Variants in PLCL1 observed in about 807,000 individuals in gnomAD.
The protein encoded by PLCL1 is inactive phospholipase C-like protein 1.
A neutral mutation model predicts 84.4 loss-of-function variants in PLCL1; 41 were observed. That is an observed-to-expected ratio of 0.49 (90% CI 0.38 to 0.63). The LOEUF (loss-of-function observed/expected upper bound fraction) is 0.63, where lower values mean the gene tolerates loss of function less well. Among genes scored for constraint, PLCL1 ranks in the 30% least tolerant of loss-of-function variants. The pLI is 0.00. For missense variants in PLCL1, 1,206 were observed against 1,367.8 expected (o/e 0.88, Z 1.87); for synonymous variants, 490 against 488.3 (o/e 1.00, Z -0.05).
chr2:197,952,157 T>G (rs533917415), intron 1 of PLCL1, among the ~76,000 whole-genome samples: 36 of 152,284 alleles, frequency 2.4e-4, no homozygotes, highest in Admixed American at 1.7e-3. Flanking sequence ...AAGTTTTCTT[T>G]ACAATCCTTC....
intron 1 of PLCL1, among the ~76,000 whole-genome samples, chr2:198,042,658 C>T (rs183803457): frequency 8.9e-4 from 136 of 152,224 alleles, no homozygotes; most frequent in African/African-American, 2.9e-3. Flanking sequence ...ATGGTAAAGA[C>T]GAGTTCTGTC....
chr2:197,805,105 C>A lies in PLCL1; in HGVS notation c.6C>A (p.Ala2=). The part of the protein sequence containing the change: M[A]EGAAGREDPA... ...AGCCCTAAACGCTCCAGGCCATGGCCGAGGGCGCGGCCGGCAGGGAGGATC... is the reference window on the plus strand; with the variant it reads ...AGCCCTAAACGCTCCAGGCCATGGCAGAGGGCGCGGCCGGCAGGGAGGATC... The change falls in exon 1 of 6, where the codon GCC becomes GCA. Residue 2 remains alanine (A), a synonymous_variant. Transcript: ENST00000428675. This position sits in a 1 kb window ranked among gnomAD's most constrained non-coding sequence, Gnocchi z 4.0. The A allele has an allele frequency of 7.5e-7, 1 of 1,341,758 alleles. No individual in the cohort carries two copies. The highest frequency in any genetic ancestry group is 1.9e-5 in the South Asian group (1 of 52,918). The allele number at this position is 1,341,758 out of a possible 1,614,324, so 83.1% of individuals were successfully genotyped here. A position where few individuals can be genotyped will look rare whatever the true frequency, so the allele number is the denominator to read the frequency against.
intron 1 of PLCL1, among the ~76,000 whole-genome samples, chr2:198,041,835 G>A (rs1376339916): frequency 1.3e-5 from 2 of 152,178 alleles, no homozygotes; most frequent in Non-Finnish European, 2.9e-5. Context: ...AAGGTAACAA[G>A]GTTGATGATG....
chr2:198,100,697 A>T (rs1009210719), intron 3 of PLCL1, among the ~76,000 whole-genome samples: 2 of 152,064 alleles, frequency 1.3e-5, no homozygotes, highest in African/African-American at 4.8e-5. Flanking sequence ...AAGGAGTGAG[A>T]TCAGAAGGAC....
chr2:198,118,698 C>G (rs932680559), intron 5 of PLCL1, among the ~76,000 whole-genome samples: 1 of 151,968 alleles, frequency 6.6e-6, no homozygotes, highest in Non-Finnish European at 1.5e-5. Flanking sequence ...TTGGCCAGAG[C>G]TGCTGCATAC....
intron 3 of PLCL1, among the ~76,000 whole-genome samples, chr2:198,093,309 T>C (rs998461659): frequency 6.6e-6 from 1 of 152,204 alleles, no homozygotes; most frequent in African/African-American, 2.4e-5. Flanking sequence ...AATAAGAATG[T>C]ATCAATAGTG....
At chr2:197,971,404 C>T (rs935625173) in intron 1 of PLCL1, among the ~76,000 whole-genome samples, 1 of 152,156 alleles carries the variant, frequency 6.6e-6, no homozygotes, top group African/African-American at 2.4e-5. Flanking sequence ...GGGGGAAACA[C>T]AAAGTACCAA....
In PLCL1 at chr2:197,851,176, C is replaced by T. The variant is rs554927148; in HGVS notation, c.240+45837C>T. ...TTTTATTTTCTGTCAGTTTAATTCA[C>T]ATACCTCCAGGAAATAAACCTAAGA... On this transcript the variant is annotated intron_variant, in intron 1 of 5. Transcript: ENST00000428675. 7.9e-5 allele frequency among the ~76,000 whole-genome samples: 12 copies of T among 152,338 alleles called. No individual in the cohort carries two copies. The South Asian group carries it at 2.3e-3, about 29-fold the overall frequency.
At chr2:197,919,388 C>T (rs779315546) in intron 1 of PLCL1, among the ~76,000 whole-genome samples, 8 of 152,134 alleles carry the variant, frequency 5.3e-5, no homozygotes, top group Non-Finnish European at 8.8e-5. Context: ...TCTTACAGGG[C>T]ATTTACCCAC....
At chr2:198,036,625 C>T (rs562410459) in intron 1 of PLCL1, among the ~76,000 whole-genome samples, 1 of 152,140 alleles carries the variant, frequency 6.6e-6, no homozygotes, top group South Asian at 2.1e-4. Context: ...GAGAATTGAC[C>T]TAAGCTGATT....
At chr2:197,998,933 C>A (rs1690532750) in intron 1 of PLCL1, among the ~76,000 whole-genome samples, 1 of 152,204 alleles carries the variant, frequency 6.6e-6, no homozygotes, top group African/African-American at 2.4e-5. Context: ...AAGAAAATCA[C>A]TGCCACCCTA....
At chr2:198,077,079 G>C (rs571782309) in intron 1 of PLCL1, among the ~76,000 whole-genome samples, 1 of 152,252 alleles carries the variant, frequency 6.6e-6, no homozygotes, top group East Asian at 1.9e-4. Flanking sequence ...CTCTGCCTCT[G>C]CCTGTTATTC....
chr2:198,060,301 A>G (rs559873504), intron 1 of PLCL1, among the ~76,000 whole-genome samples: 2 of 152,244 alleles, frequency 1.3e-5, no homozygotes, highest in Non-Finnish European at 2.9e-5. Context: ...AAAATTCAGC[A>G]GAAAATTTAT....
intron 1 of PLCL1, among the ~76,000 whole-genome samples, chr2:197,915,840 A>T (rs900056844): frequency 1.3e-5 from 2 of 152,190 alleles, no homozygotes; most frequent in Non-Finnish European, 2.9e-5. Context: ...GAGATGAAGG[A>T]TGATTTCTTT....
chr2:197,918,198 T>C (rs1688631897), intron 1 of PLCL1, among the ~76,000 whole-genome samples: 1 of 152,178 alleles, frequency 6.6e-6, no homozygotes, highest in African/African-American at 2.4e-5. Context: ...AGTCTGATCA[T>C]GAGAAAAACA....
At chr2:198,127,629 A>G (rs1342318328) in intron 5 of PLCL1, among the ~76,000 whole-genome samples, 1 of 152,188 alleles carries the variant, frequency 6.6e-6, no homozygotes, top group African/African-American at 2.4e-5. Context: ...GCCTATTTAC[A>G]CAGGTTGGGG....
At chr2:198,000,880 G>A (rs1284838438) in intron 1 of PLCL1, among the ~76,000 whole-genome samples, 1 of 152,008 alleles carries the variant, frequency 6.6e-6, no homozygotes, top group Non-Finnish European at 1.5e-5. Flanking sequence ...CTCATGGAGC[G>A]GATAGTTGAT....
At chr2:197,866,122 A>ATAGTTATTTTAAG (rs1559029493) in intron 1 of PLCL1, among the ~76,000 whole-genome samples, 1 of 41,562 alleles carries the variant, frequency 2.4e-5, no homozygotes. Flanking sequence ...ATATATATAT[A>ATAGTTATTTTAAG]AACTATATAT....
chr2:197,850,683 A>C (rs954968382), intron 1 of PLCL1, among the ~76,000 whole-genome samples: 6 of 152,162 alleles, frequency 3.9e-5, no homozygotes, highest in Admixed American at 3.9e-4. Context: ...TATTGTCTGT[A>C]CAACAACTAC....
Sources: gnomAD v4.1 joint callset for allele counts (sites outside exome capture counted in the v4.1 genomes callset) on GRCh38, gnomAD v4.1.1 for gene constraint, Gnocchi (gnomAD v3.1) non-coding constraint, MANE v1.5 for transcripts, NCBI Gene and HGNC (gene_info 2026-07-23, HGNC 2026-07-21) for gene names.